The following SLC9A9 variants were observed in gnomAD, a reference collection of about 807,000 sequenced individuals.
SLC9A9 encodes sodium/hydrogen exchanger 9.
Under a neutral mutation model 77.8 loss-of-function variants are expected in SLC9A9, and 62 were observed. The observed-to-expected ratio is 0.80, with a 90% CI of 0.65 to 0.98. The LOEUF (loss-of-function observed/expected upper bound fraction) is 0.98, where lower values mean the gene tolerates loss of function less well. Among genes scored for constraint, SLC9A9 ranks in the 50% least tolerant of loss-of-function variants. SLC9A9 has a pLI of 0.00. For missense variants in SLC9A9, 775 were observed against 774.9 expected (o/e 1.00, Z 0.00); for synonymous variants, 320 against 283.5 (o/e 1.13, Z -1.29).
At chr3:143,607,756 C>A (rs1201228843) in intron 6 of SLC9A9, among the ~76,000 whole-genome samples, 1 of 151,530 alleles carries the variant, frequency 6.6e-6, no homozygotes, top group Non-Finnish European at 1.5e-5. Flanking sequence ...CTAGAAAAAG[C>A]ATTTACATTG....
chr3:143,542,822 A>G (rs2036710817), intron 9 of SLC9A9, among the ~76,000 whole-genome samples: 1 of 152,248 alleles, frequency 6.6e-6, no homozygotes, highest in Non-Finnish European at 1.5e-5. Context: ...TCCTAAGTTC[A>G]AGGCAAAATC....
intron 6 of SLC9A9, among the ~76,000 whole-genome samples, chr3:143,590,600 A>G (rs754661384): frequency 6.6e-5 from 10 of 152,246 alleles, no homozygotes. Flanking sequence ...TAAATTGTTA[A>G]CAATCACTAA....
At chr3:143,665,657 C>A (rs1211785531) in intron 5 of SLC9A9, among the ~76,000 whole-genome samples, 1 of 152,120 alleles carries the variant, frequency 6.6e-6, no homozygotes, top group Non-Finnish European at 1.5e-5. Context: ...GATATCACCA[C>A]CAATCCCACA....
At chr3:143,493,333 A>G (rs1426103409) in intron 11 of SLC9A9, among the ~76,000 whole-genome samples, 1 of 152,136 alleles carries the variant, frequency 6.6e-6, no homozygotes. Flanking sequence ...CAATTTATGA[A>G]ATTATAATTC....
At chr3:143,749,317 A>T (rs2006638473) in intron 4 of SLC9A9, among the ~76,000 whole-genome samples, 1 of 152,168 alleles carries the variant, frequency 6.6e-6, no homozygotes, top group Non-Finnish European at 1.5e-5. Flanking sequence ...CCTTTAGAAA[A>T]ATGTATCCAT....
At chr3:143,783,804 G>T (rs1291755112) in intron 4 of SLC9A9, among the ~76,000 whole-genome samples, 1 of 152,144 alleles carries the variant, frequency 6.6e-6, no homozygotes, top group African/African-American at 2.4e-5. Context: ...TTTGCTGAAA[G>T]ATTCATGAAT....
intron 14 of SLC9A9, among the ~76,000 whole-genome samples, chr3:143,310,956 T>C (rs753420673): frequency 6.6e-6 from 1 of 152,218 alleles, no homozygotes; most frequent in African/African-American, 2.4e-5. Flanking sequence ...CTCAGGCCTC[T>C]CATTTTGGAG....
At chr3:143,655,520 A>T in intron 5 of SLC9A9, 5 of 985,406 alleles carry the variant, frequency 5.1e-6, no homozygotes, top group Non-Finnish European at 6.0e-6. Context: ...TTTTAGTGGC[A>T]GATTTTCATG....
At chr3:143,684,976 T>C (rs1933216085) in intron 5 of SLC9A9, among the ~76,000 whole-genome samples, 1 of 152,146 alleles carries the variant, frequency 6.6e-6, no homozygotes, top group Non-Finnish European at 1.5e-5. Context: ...TTGTATTTAA[T>C]ACTCAATTTT....
intron 5 of SLC9A9, among the ~76,000 whole-genome samples, chr3:143,675,063 C>T (rs1006397531): frequency 6.6e-6 from 1 of 152,196 alleles, no homozygotes; most frequent in African/African-American, 2.4e-5. Flanking sequence ...CTTTCAGACT[C>T]TCCAAGTGAG....
chr3:143,398,955 A>G (rs1330009403), intron 12 of SLC9A9, among the ~76,000 whole-genome samples: 1 of 152,048 alleles, frequency 6.6e-6, no homozygotes, highest in African/African-American at 2.4e-5. Context: ...CCATATTAAG[A>G]CCAGATGCTA....
intron 4 of SLC9A9, among the ~76,000 whole-genome samples, chr3:143,778,169 C>T (rs2007759454): frequency 6.6e-6 from 1 of 151,056 alleles, no homozygotes. Flanking sequence ...TGCTTATTCT[C>T]AGGTTTTGTA....
chr3:143,338,014 G>A (rs75585888), intron 14 of SLC9A9, among the ~76,000 whole-genome samples: 1 of 152,168 alleles, frequency 6.6e-6, no homozygotes, highest in African/African-American at 2.4e-5. Context: ...TGACTTTTGT[G>A]TATAAGAGAT....
rs117831627 is a variant in SLC9A9 at position 143,813,939 on chromosome 3, C to T, written c.379-17036G>A. On this transcript the variant is annotated intron_variant, in intron 2 of 15. Coordinates refer to ENST00000316549, the MANE Select transcript of SLC9A9 (RefSeq NM_173653.4). ...GAAACCATTGCCAGGCTGCAGTTACCAGAATGAGCTCAAGGTAATGATAGT... is the reference window on the plus strand; with the variant it reads ...GAAACCATTGCCAGGCTGCAGTTACTAGAATGAGCTCAAGGTAATGATAGT... Among the ~76,000 whole-genome samples the T allele has an allele frequency of 2.1e-3, 317 of 152,246 alleles. 13 individuals are homozygous for T. In the East Asian group the frequency reaches 0.056, roughly 27 times the overall value.
In SLC9A9 at chr3:143,495,426, A is replaced by C; in HGVS notation, c.1112T>G (p.Leu371Trp). The C allele has an allele frequency of 6.2e-7, 1 of 1,613,694 alleles. No homozygotes were observed. The highest frequency in any genetic ancestry group is 8.5e-7 in the Non-Finnish European group (1 of 1,179,616). Residue 371 changes from leucine (L) to tryptophan (W), a missense_variant, in exon 10 of 16, where the codon TTG (leucine) becomes TGG (tryptophan). Transcript: ENST00000316549. ...TKQLFEFMNF[L>W]AENVIFCYMG... ...GTAACAGAAGATGACGTTCTCCGCCAAAAAGTTCATAAATTCAAACAACTG... is the reference window on the plus strand; with the variant it reads ...GTAACAGAAGATGACGTTCTCCGCCCAAAAGTTCATAAATTCAAACAACTG...
chr3:143,759,616 G>A (rs1429623838), intron 4 of SLC9A9, among the ~76,000 whole-genome samples: 1 of 151,332 alleles, frequency 6.6e-6, no homozygotes, highest in Admixed American at 6.6e-5. Flanking sequence ...GTCACCGGAT[G>A]CAATGAGACC....
At chr3:143,651,715 C>T (rs1277407377) in intron 6 of SLC9A9, among the ~76,000 whole-genome samples, 4 of 152,144 alleles carry the variant, frequency 2.6e-5, no homozygotes, top group South Asian at 2.1e-4. Flanking sequence ...ATCCTTCCAG[C>T]GCAAAGGGAA....
chr3:143,286,953 T>A lies in SLC9A9; in HGVS notation c.1605-17973A>T, dbSNP rs1235609143. On this transcript the variant is annotated intron_variant, in intron 14 of 15. Transcript: ENST00000316549. ...CACTAGTTCTGGACCTCACGAGGTG[T>A]GCGTCAGCAAAACTCTCCATGTCTC... Among the ~76,000 whole-genome samples the A allele has an allele frequency of 2.0e-5, 3 of 152,314 alleles. No individual in the cohort carries two copies. In the East Asian group the frequency reaches 5.8e-4, roughly 29 times the overall value.
chr3:143,710,059 G>A (rs1560043002), intron 4 of SLC9A9, among the ~76,000 whole-genome samples: 1 of 152,140 alleles, frequency 6.6e-6, no homozygotes, highest in African/African-American at 2.4e-5. Flanking sequence ...AGCAGAAATT[G>A]CATATTCATT....
Sources: gnomAD v4.1 joint callset for allele counts (sites outside exome capture counted in the v4.1 genomes callset) on GRCh38, gnomAD v4.1.1 for gene constraint, MANE v1.5 for transcripts, NCBI Gene and HGNC (gene_info 2026-07-23, HGNC 2026-07-21) for gene names.